NYAP2: variants seen among roughly 807,000 people sequenced by gnomAD.
NYAP2 encodes neuronal tyrosine-phosphorylated phosphoinositide-3-kinase adapter 2.
A neutral mutation model predicts 50.4 loss-of-function variants in NYAP2; 23 were observed. The ratio of observed to expected loss-of-function variants is 0.46; its 90% CI spans 0.33 to 0.65. The LOEUF is 0.65. Ranked by LOEUF, NYAP2 falls within the 30% of genes least tolerant of loss-of-function variation. The probability of loss-of-function intolerance (pLI) is 0.02; values close to 1 mark genes in which losing one functional copy is unlikely to be tolerated. For synonymous variants in NYAP2, 394 were observed against 365.2 expected (o/e 1.08, Z -0.90); for missense variants, 885 against 861.0 (o/e 1.03, Z -0.35).
intron 3 of NYAP2, among the ~76,000 whole-genome samples, chr2:225,465,160 G>A (rs1689896422): frequency 1.3e-5 from 2 of 152,162 alleles, no homozygotes; most frequent in African/African-American, 4.8e-5. Flanking sequence ...TAGATGAGAA[G>A]TGGAGGACAT....
At chr2:225,511,634 T>C (rs944376478) in intron 3 of NYAP2, among the ~76,000 whole-genome samples, 1 of 152,206 alleles carries the variant, frequency 6.6e-6, no homozygotes, top group Non-Finnish European at 1.5e-5. Flanking sequence ...CAAGTTATCA[T>C]TGGTGTTAAA....
At chr2:225,487,430 G>A (rs1690321370) in intron 3 of NYAP2, among the ~76,000 whole-genome samples, 1 of 151,904 alleles carries the variant, frequency 6.6e-6, no homozygotes, top group Admixed American at 6.6e-5. Context: ...CACAATCTTG[G>A]CTCACTGCAA....
chr2:225,669,988 G>A, the NYAP2 span, among the ~76,000 whole-genome samples: 3 of 152,168 alleles, frequency 2.0e-5, no homozygotes, highest in Non-Finnish European at 4.4e-5. Flanking sequence ...ATGAGGGGAA[G>A]ATGAAGAGCT....
At chr2:225,477,231 C>CTTATTTTTTTTTT (rs1690128492) in intron 3 of NYAP2, among the ~76,000 whole-genome samples, 2 of 87,470 alleles carry the variant, frequency 2.3e-5, no homozygotes, top group African/African-American at 9.3e-5. Flanking sequence ...GTCTCTATTT[C>CTTATTTTTTTTTT]TTTTTTTTTT....
intron 4 of NYAP2, among the ~76,000 whole-genome samples, chr2:225,539,290 G>T (rs1442215091): frequency 6.6e-6 from 1 of 152,182 alleles, no homozygotes; most frequent in Non-Finnish European, 1.5e-5. Flanking sequence ...TTTGTGAATA[G>T]TGCTGCAATA....
At chr2:225,596,045 G>A (rs1444216419) in intron 5 of NYAP2, among the ~76,000 whole-genome samples, 1 of 151,948 alleles carries the variant, frequency 6.6e-6, no homozygotes, top group Non-Finnish European at 1.5e-5. Context: ...TTGAGAGATG[G>A]GCTCTGGCTA....
At chr2:225,693,646 T>G in the NYAP2 span, among the ~76,000 whole-genome samples, 1 of 152,050 alleles carries the variant, frequency 6.6e-6, no homozygotes. Flanking sequence ...GTTGACTACT[T>G]GCTGTATCGG....
rs898652923 is a variant in NYAP2 at position 225,596,620 on chromosome 2, TA to T, written c.1618+13591del. ...TGATTTTTCTAAAGCTAATTTTTTT[TA>T]AAAAATAGCACCATCCAATAGAATT... On this transcript the variant is annotated intron_variant, in intron 5 of 6. Coordinates refer to ENST00000636099, the Ensembl canonical transcript of NYAP2. 3.5e-4 allele frequency among the ~76,000 whole-genome samples: 53 copies of T among 152,082 alleles called. 1 individual carries two copies. The highest frequency in any genetic ancestry group is 1.2e-3 in the African/African-American group (50 of 41,358).
chr2:225,683,679 AAGGGAAAG>A, the NYAP2 span, among the ~76,000 whole-genome samples: 187 of 152,226 alleles, frequency 1.2e-3, no homozygotes, highest in African/African-American at 4.4e-3. Context: ...AGGTGCTCCA[AAGGGAAAG>A]GTGTCTTTTT....
At chr2:225,616,889 G>A (rs1026046341) in intron 5 of NYAP2, among the ~76,000 whole-genome samples, 2 of 152,118 alleles carry the variant, frequency 1.3e-5, no homozygotes, top group South Asian at 2.1e-4. Flanking sequence ...TGCTTAAAAC[G>A]TGTTGTCTTT....
intron 6 of NYAP2, among the ~76,000 whole-genome samples, chr2:225,630,631 A>G (rs1002940992): frequency 1.3e-5 from 2 of 152,244 alleles, no homozygotes; most frequent in Non-Finnish European, 2.9e-5. Context: ...AGCAGGGATA[A>G]AAGGGGAATG....
chr2:225,515,452 T>C (rs1000451568), intron 4 of NYAP2, among the ~76,000 whole-genome samples: 3 of 151,834 alleles, frequency 2.0e-5, no homozygotes, highest in Non-Finnish European at 2.9e-5. Flanking sequence ...CAATGAATAG[T>C]GCTACAATGA....
At chr2:225,554,046 A>G (rs770663492) in intron 4 of NYAP2, among the ~76,000 whole-genome samples, 35 of 152,274 alleles carry the variant, frequency 2.3e-4, no homozygotes, top group Non-Finnish European at 3.8e-4. Flanking sequence ...AAGTATTTCA[A>G]AACAATTAAA....
In NYAP2 at chr2:225,582,893, G is replaced by A; in HGVS notation, c.1476G>A (p.Val492=). Residue 492 remains valine (V), a synonymous_variant, in exon 5 of 7, where the codon GTG becomes GTA. Coordinates refer to ENST00000636099, the Ensembl canonical transcript of NYAP2. The surrounding 1 kb of genome is among the most constrained non-coding windows in gnomAD (Gnocchi z 7.0). ...GGGCCAAGATGGTCAACGCCGCGGT[G>A]AACACCTACGGGGCAGCCCCGGGTG... The A allele has an allele frequency of 6.2e-7, 1 of 1,613,502 alleles. No homozygotes were observed. Among genetic ancestry groups the A allele is most frequent in the Non-Finnish European group, 8.5e-7 (1 of 1,179,874 alleles).
chr2:225,515,792 A>C (rs186851535), intron 4 of NYAP2, among the ~76,000 whole-genome samples: 3 of 152,128 alleles, frequency 2.0e-5, no homozygotes, highest in Non-Finnish European at 4.4e-5. Context: ...CTACCTAATA[A>C]ATTATGTTAG....
At chr2:225,487,742 A>G (rs1159169632) in intron 3 of NYAP2, among the ~76,000 whole-genome samples, 1 of 152,186 alleles carries the variant, frequency 6.6e-6, no homozygotes, top group Non-Finnish European at 1.5e-5. Flanking sequence ...CAGACATAGT[A>G]TTTATTTATG....
intron 5 of NYAP2, among the ~76,000 whole-genome samples, chr2:225,593,422 G>A (rs970779446): frequency 6.6e-6 from 1 of 152,148 alleles, no homozygotes; most frequent in African/African-American, 2.4e-5. Flanking sequence ...CTCCTTCTGA[G>A]ACTTTCCTTC....
chr2:225,658,223 A>G (rs1693859161), downstream of NYAP2, among the ~76,000 whole-genome samples: 1 of 152,272 alleles, frequency 6.6e-6, no homozygotes, highest in South Asian at 2.1e-4. Flanking sequence ...AACACATATT[A>G]AAATTGGCTC....
intron 4 of NYAP2, among the ~76,000 whole-genome samples, chr2:225,532,404 A>C (rs529784813): frequency 1.3e-5 from 2 of 152,176 alleles, no homozygotes; most frequent in Non-Finnish European, 2.9e-5. Flanking sequence ...ATTGCTATCT[A>C]TGATTTTTCT....
Sources: gnomAD v4.1 joint callset for allele counts (sites outside exome capture counted in the v4.1 genomes callset) on GRCh38, gnomAD v4.1.1 for gene constraint, Gnocchi (gnomAD v3.1) non-coding constraint, MANE v1.5 for transcripts, NCBI Gene and HGNC (gene_info 2026-07-23, HGNC 2026-07-21) for gene names.